Variants in SULT2B1 observed in about 807,000 individuals in gnomAD.
SULT2B1 encodes sulfotransferase family 2B member 1.
Under a neutral mutation model 33.2 loss-of-function variants are expected in SULT2B1, and 16 were observed. The ratio of observed to expected loss-of-function variants is 0.48; its 90% CI spans 0.33 to 0.73. The LOEUF (loss-of-function observed/expected upper bound fraction) is 0.73, where lower values mean the gene tolerates loss of function less well. Ranked by LOEUF, SULT2B1 falls within the 30% of genes least tolerant of loss-of-function variation. The pLI is 0.02. For missense variants in SULT2B1, 500 were observed against 506.0 expected (o/e 0.99, Z 0.11); for synonymous variants, 186 against 200.5 (o/e 0.93, Z 0.61).
At chr19:48,564,521 C>CA (rs749437786) in intron 1 of SULT2B1, among the ~76,000 whole-genome samples, 3 of 131,662 alleles carry the variant, frequency 2.3e-5, no homozygotes, top group Non-Finnish European at 4.6e-5. Flanking sequence ...CACTGCACTC[C>CA]AGCCTGGGCA....
chr19:48,561,205 G>A (rs577205108), intron 1 of SULT2B1, among the ~76,000 whole-genome samples: 21 of 151,852 alleles, frequency 1.4e-4, no homozygotes, highest in African/African-American at 4.6e-4. Flanking sequence ...CGAGACAGGC[G>A]GATCACCTGA....
At chr19:48,554,303 C>T (rs542560934) in intron 1 of SULT2B1, among the ~76,000 whole-genome samples, 1 of 150,474 alleles carries the variant, frequency 6.6e-6, no homozygotes, top group Admixed American at 6.6e-5. Context: ...CGCCACGTAC[C>T]CCCCCAGATT....
intron 1 of SULT2B1, among the ~76,000 whole-genome samples, chr19:48,558,044 C>A (rs889146330): frequency 5.9e-5 from 9 of 152,228 alleles, no homozygotes; most frequent in Admixed American, 6.5e-5. Flanking sequence ...GTTATAATCC[C>A]TGTAACATCC....
intron 3 of SULT2B1, among the ~76,000 whole-genome samples, chr19:48,590,457 C>T (rs1973629755): frequency 6.6e-6 from 1 of 151,986 alleles, no homozygotes; most frequent in African/African-American, 2.4e-5. Context: ...CAAAAATTAG[C>T]CAGGCATGGT....
intron 1 of SULT2B1, among the ~76,000 whole-genome samples, chr19:48,574,843 A>G (rs1383241732): frequency 6.6e-6 from 1 of 152,130 alleles, no homozygotes; most frequent in South Asian, 2.1e-4. Flanking sequence ...TGCCCACTGG[A>G]CTAAATTTGC....
chr19:48,578,526 G>A (rs1973443390), intron 2 of SULT2B1, among the ~76,000 whole-genome samples: 1 of 152,056 alleles, frequency 6.6e-6, no homozygotes, highest in South Asian at 2.1e-4. Context: ...AGGTTGCAGT[G>A]AGACGCGTTC....
chr19:48,562,161 C>T (rs888663481), intron 1 of SULT2B1, among the ~76,000 whole-genome samples: 108 of 151,722 alleles, frequency 7.1e-4, no homozygotes, highest in South Asian at 1.7e-3. Context: ...CTGAGGCGGG[C>T]GGATCACCTG....
At position 48,552,772 on chromosome 19, in the gene SULT2B1, C is replaced by A. The variant is rs1478277247; in HGVS notation, c.71+449C>A. ...GGGAGAGACTGGGATGCTGCTGAGA[C>A]CCCCAGAGGGAGAAGCTGTGTTCTA... On this transcript the variant is annotated intron_variant, in intron 1 of 6. Transcript: ENST00000201586. The surrounding 1 kb of genome is among the most constrained non-coding windows in gnomAD (Gnocchi z 4.8). Among the ~76,000 whole-genome samples the A allele has an allele frequency of 6.6e-6, 1 of 152,088 alleles. No homozygotes were observed. The highest frequency in any genetic ancestry group is 1.5e-5 in the Non-Finnish European group (1 of 68,004).
Position 48,599,397 on chromosome 19 carries a change from A to C in SULT2B1, c.1089A>C (p.Arg363=). ...AGGCCTCTGAGACCCCGCACCCACGACCCTCATAATAAACACGTCGATTCT... is the reference window on the plus strand; with the variant it reads ...AGGCCTCTGAGACCCCGCACCCACGCCCCTCATAATAAACACGTCGATTCT... ...PGQASETPHP[R]PS The change falls in exon 7 of 7, where the codon CGA becomes CGC. Residue 363 remains arginine, a synonymous_variant. Transcript: ENST00000201586. This position sits in a 1 kb window ranked among gnomAD's most constrained non-coding sequence, Gnocchi z 4.1. 2 of 1,552,906 alleles carry C rather than the reference A, an allele frequency of 1.3e-6. No homozygotes were observed. Among genetic ancestry groups the C allele is most frequent in the Non-Finnish European group, 1.7e-6 (2 of 1,148,404 alleles).
At position 48,561,289 on chromosome 19, in the gene SULT2B1, G is replaced by A. The variant is rs866775396; in HGVS notation, c.71+8966G>A. On this transcript the variant is annotated intron_variant, in intron 1 of 6. Transcript: ENST00000201586. ...ACTAAAAATAGAAGAGTAGCTGGTC[G>A]TGGTGGCACATGCCTGTAATCCCAG... is the stretch of plus-strand genomic sequence containing the variant. Among the ~76,000 whole-genome samples the A allele has an allele frequency of 7.9e-5, 12 of 151,968 alleles. No individual in the cohort carries two copies. The South Asian group carries it at 2.1e-3, about 26-fold the overall frequency.
At chr19:48,571,464 T>C (rs972434540) in intron 1 of SULT2B1, among the ~76,000 whole-genome samples, 98 of 152,158 alleles carry the variant, frequency 6.4e-4, no homozygotes, top group South Asian at 2.1e-4. Flanking sequence ...CCCAAAGTGC[T>C]GGGATTACAG....
chr19:48,599,024 G>C lies in SULT2B1; in HGVS notation c.827-111G>C. ...TAGGGAGGACGGTGTTTCTGGCAAA[G>C]GGAACACCTCGCCAAAGGCCGGGAA... On this transcript the variant is annotated intron_variant, in intron 6 of 6. Coordinates refer to ENST00000201586, the MANE Select transcript of SULT2B1 (RefSeq NM_177973.2). The surrounding 1 kb of genome is among the most constrained non-coding windows in gnomAD (Gnocchi z 4.1). 1 of 1,477,962 alleles carries C rather than the reference G, an allele frequency of 6.8e-7. No individual in the cohort carries two copies. The highest frequency in any genetic ancestry group is 8.9e-7 in the Non-Finnish European group (1 of 1,118,696). 91.6% of individuals were successfully genotyped at this position (1,477,962 alleles called of 1,614,324 possible).
chr19:48,559,464 G>A (rs917851900), intron 1 of SULT2B1, among the ~76,000 whole-genome samples: 4 of 152,152 alleles, frequency 2.6e-5, no homozygotes, highest in African/African-American at 9.7e-5. Context: ...TCCGCCTCCT[G>A]GGTTCAAGCG....
At chr19:48,554,179 G>C (rs1188032307) in intron 1 of SULT2B1, among the ~76,000 whole-genome samples, 2 of 151,944 alleles carry the variant, frequency 1.3e-5, no homozygotes, top group Non-Finnish European at 2.9e-5. Context: ...AAACTTCCAG[G>C]CACTTCTGGA....
At chr19:48,559,809 C>T (rs1042182225) in intron 1 of SULT2B1, among the ~76,000 whole-genome samples, 4 of 152,012 alleles carry the variant, frequency 2.6e-5, no homozygotes, top group African/African-American at 9.7e-5. Context: ...AAGTGGGGAC[C>T]GTGACACCGC....
At chr19:48,565,040 C>A (rs1973227550) in intron 1 of SULT2B1, among the ~76,000 whole-genome samples, 1 of 152,096 alleles carries the variant, frequency 6.6e-6, no homozygotes, top group Non-Finnish European at 1.5e-5. Context: ...ACACCTGCCT[C>A]AGCCTCCCAA....
chr19:48,576,165 G>T lies in SULT2B1; in HGVS notation c.214+82G>T, dbSNP rs914910370. Reference sequence around the variant, plus strand: ...GAGGACAGGAAAGGCACATAGAGAAGGAGGGGAGGAGGAAAAGTGGGGCCG... The same window carrying T: ...GAGGACAGGAAAGGCACATAGAGAATGAGGGGAGGAGGAAAAGTGGGGCCG... On this transcript the variant is annotated intron_variant, in intron 2 of 6. Transcript: ENST00000201586. 11 of 1,270,230 alleles carry T rather than the reference G, an allele frequency of 8.7e-6. No homozygotes were observed. In the African/African-American group the frequency reaches 1.5e-4, roughly 17 times the overall value. 78.7% of individuals were successfully genotyped at this position (1,270,230 alleles called of 1,614,324 possible).
At chr19:48,580,086 G>A (rs1364157001) in intron 2 of SULT2B1, among the ~76,000 whole-genome samples, 1 of 142,262 alleles carries the variant, frequency 7.0e-6, no homozygotes, top group East Asian at 2.0e-4. Context: ...ACCACGCCCA[G>A]CTAATTAAAA....
chr19:48,588,499 C>A (rs1165429130), intron 3 of SULT2B1, among the ~76,000 whole-genome samples: 2 of 146,832 alleles, frequency 1.4e-5, no homozygotes, highest in African/African-American at 5.2e-5. Context: ...GCAACAAAAG[C>A]AAAACTCCGT....
Sources: gnomAD v4.1 joint callset for allele counts (sites outside exome capture counted in the v4.1 genomes callset) on GRCh38, gnomAD v4.1.1 for gene constraint, Gnocchi (gnomAD v3.1) non-coding constraint, MANE v1.5 for transcripts, NCBI Gene and HGNC (gene_info 2026-07-23, HGNC 2026-07-21) for gene names.